Variants in ADIPOR2 observed in about 807,000 individuals in gnomAD.
ADIPOR2 encodes the protein adiponectin receptor 2, also known as adiponectin receptor protein 2.
In ADIPOR2, 18 loss-of-function variants were observed where a neutral mutation model predicts 40.9. The observed-to-expected ratio is 0.44, with a 90% CI of 0.30 to 0.65. The LOEUF is 0.65. ADIPOR2 is among the 30% of genes least tolerant of loss of function. ADIPOR2 has a pLI of 0.09. For missense variants in ADIPOR2, 283 were observed against 479.2 expected (o/e 0.59, Z 3.82); for synonymous variants, 165 against 166.4 (o/e 0.99, Z 0.06).
At chr12:1,745,636 C>T (rs2094753408) in intron 1 of ADIPOR2, among the ~76,000 whole-genome samples, 1 of 152,154 alleles carries the variant, frequency 6.6e-6, no homozygotes, top group South Asian at 2.1e-4. Flanking sequence ...TATTTATAAA[C>T]TGCTGATTTC....
At chr12:1,753,874 A>G (rs1315597465) in intron 1 of ADIPOR2, among the ~76,000 whole-genome samples, 3 of 152,150 alleles carry the variant, frequency 2.0e-5, no homozygotes, top group Non-Finnish European at 4.4e-5. Flanking sequence ...AAGTAATATG[A>G]TACATGGTTA....
At chr12:1,734,355 T>C (rs943308036) in intron 1 of ADIPOR2, among the ~76,000 whole-genome samples, 1 of 152,218 alleles carries the variant, frequency 6.6e-6, no homozygotes, top group African/African-American at 2.4e-5. Flanking sequence ...ATTTCTCTGA[T>C]GGCCAGTGAT....
In ADIPOR2 at chr12:1,764,558, AACACAC is replaced by A. The variant is rs59660682; in HGVS notation, c.172-8257_172-8252del. ...CAACAAAAACCTTATTAAAGTATTA[AACACAC>A]ACACACACACACACACACACACACA... is the stretch of plus-strand genomic sequence containing the variant. On this transcript the variant is annotated intron_variant, in intron 2 of 7. Coordinates refer to ENST00000357103, the MANE Select transcript of ADIPOR2 (RefSeq NM_024551.3). 2.4e-3 allele frequency among the ~76,000 whole-genome samples: 291 copies of A among 119,086 alleles called. 3 individuals carry two copies. The highest frequency in any genetic ancestry group is 0.016 in the Middle Eastern group (4 of 258). The allele number at this position is 119,086 out of a possible 152,430, so 78.1% of individuals were successfully genotyped here. A position where few individuals can be genotyped will look rare whatever the true frequency, so the allele number is the denominator to read the frequency against.
Position 1,778,030 on chromosome 12 carries a change from G to A in ADIPOR2, c.463+5G>A. On this transcript the variant is annotated splice_donor_5th_base_variant and intron_variant, in intron 4 of 7. Transcript: ENST00000357103. ...ACATTTGGACACATCTCTTAGGTAT[G>A]TAATGTCAGTGATGTAATGAGCTGG... 6.2e-7 allele frequency: 1 copy of A among 1,610,182 alleles called. No individual in the cohort carries two copies. The highest frequency in any genetic ancestry group is 8.5e-7 in the Non-Finnish European group (1 of 1,178,358).
At chr12:1,742,809 G>C (rs935999478) in intron 1 of ADIPOR2, among the ~76,000 whole-genome samples, 1 of 152,150 alleles carries the variant, frequency 6.6e-6, no homozygotes, top group Non-Finnish European at 1.5e-5. Context: ...TCTGTTGTTG[G>C]TTGAATCCAC....
intron 2 of ADIPOR2, among the ~76,000 whole-genome samples, chr12:1,764,400 A>G (rs1862330692): frequency 6.6e-6 from 1 of 152,124 alleles, no homozygotes; most frequent in African/African-American, 2.4e-5. Context: ...CTAGTAAATA[A>G]TTTTGAAGGA....
chr12:1,715,365 A>T (rs2094685432), intron 1 of ADIPOR2, among the ~76,000 whole-genome samples: 1 of 152,062 alleles, frequency 6.6e-6, no homozygotes, highest in Non-Finnish European at 1.5e-5. Flanking sequence ...TGCAGAAAAA[A>T]ATGAGCCGCC....
intron 1 of ADIPOR2, among the ~76,000 whole-genome samples, chr12:1,725,243 T>C (rs1347558291): frequency 6.6e-6 from 1 of 152,054 alleles, no homozygotes; most frequent in Non-Finnish European, 1.5e-5. Context: ...TGCCTCAGTC[T>C]CCCGAGTAGT....
chr12:1,778,621 A>G (rs1862649287), intron 4 of ADIPOR2: 2 of 152,234 alleles, frequency 1.3e-5, no homozygotes, highest in Admixed American at 6.5e-5. Context: ...GAAAACATAT[A>G]TAAATCCTTG....
intron 3 of ADIPOR2, among the ~76,000 whole-genome samples, chr12:1,775,276 ATTTTTTTAT>A (rs1862566724): frequency 6.6e-6 from 1 of 152,080 alleles, no homozygotes; most frequent in Non-Finnish European, 1.5e-5. Context: ...CCGTGATCTT[ATTTTTTTAT>A]TCTAGGGGGT....
At chr12:1,705,331 AT>A (rs2094659952) in intron 1 of ADIPOR2, among the ~76,000 whole-genome samples, 2 of 152,212 alleles carry the variant, frequency 1.3e-5, no homozygotes, top group South Asian at 4.1e-4. Context: ...TGACTTTAAT[AT>A]TTAGAACTGT....
intron 1 of ADIPOR2, chr12:1,696,363 G>C (rs1389138925): frequency 6.4e-6 from 1 of 156,558 alleles, no homozygotes; most frequent in Non-Finnish European, 1.4e-5. Context: ...ATCATTTTCA[G>C]CCTTCTCTTT....
chr12:1,735,640 G>A (rs1341571754), intron 1 of ADIPOR2, among the ~76,000 whole-genome samples: 1 of 152,182 alleles, frequency 6.6e-6, no homozygotes, highest in African/African-American at 2.4e-5. Context: ...ATGTTGAATA[G>A]GAGTGGTGAG....
At chr12:1,730,607 ACT>A (rs2094717984) in intron 1 of ADIPOR2, 3 of 124,942 alleles carry the variant, frequency 2.4e-5, no homozygotes, top group Admixed American at 1.9e-4. Flanking sequence ...ACAGAGCAAG[ACT>A]CTGTCTCAAA....
At chr12:1,759,330 A>G (rs1222609059) in intron 2 of ADIPOR2, among the ~76,000 whole-genome samples, 1 of 152,222 alleles carries the variant, frequency 6.6e-6, no homozygotes, top group East Asian at 1.9e-4. Context: ...TGCAGATCTT[A>G]ACTAAATTGC....
rs1056181607 is a variant in ADIPOR2, at chr12:1,736,035, G to A, written c.-86-18223G>A. Among the ~76,000 whole-genome samples the A allele has an allele frequency of 5.9e-5, 9 of 152,286 alleles. No homozygotes were observed. In the East Asian group the frequency reaches 1.7e-3, roughly 29 times the overall value. ...AGGATCTTTGCATCGATGTTCATCA[G>A]GGATATTGGTCTAAAATTCTCTTTT... On this transcript the variant is annotated intron_variant, in intron 1 of 7. Coordinates refer to ENST00000357103, the MANE Select transcript of ADIPOR2 (RefSeq NM_024551.3).
chr12:1,778,646 G>T (rs1292021218), intron 4 of ADIPOR2: 1 of 152,158 alleles, frequency 6.6e-6, no homozygotes, highest in South Asian at 2.1e-4. Flanking sequence ...TTTGGATTAG[G>T]TGACTGTTTC....
intron 1 of ADIPOR2, among the ~76,000 whole-genome samples, chr12:1,703,656 G>A (rs1226409705): frequency 1.3e-5 from 2 of 152,078 alleles, no homozygotes; most frequent in South Asian, 4.1e-4. Context: ...GGTCAAGGCT[G>A]CAGTGAGCTG....
At chr12:1,767,008 G>A (rs554140651) in intron 2 of ADIPOR2, among the ~76,000 whole-genome samples, 1 of 152,146 alleles carries the variant, frequency 6.6e-6, no homozygotes, top group East Asian at 1.9e-4. Flanking sequence ...GGTGGCTCAC[G>A]CCCGTAATCC....
Sources: allele counts gnomAD v4.1 joint callset (sites outside exome capture counted in the v4.1 genomes callset), GRCh38; gene constraint gnomAD v4.1.1; transcripts MANE v1.5; gene names NCBI Gene and HGNC (gene_info 2026-07-23, HGNC 2026-07-21).